The following FCF1 variants were observed in gnomAD, a reference collection of about 807,000 sequenced individuals.
The protein encoded by FCF1 is rRNA-processing protein FCF1 homolog.
FCF1 carries 17 observed loss-of-function variants against 32.5 expected under a neutral mutation model. The observed-to-expected ratio is 0.52, with a 90% confidence interval of 0.36 to 0.78. The LOEUF is 0.78. Ranked by LOEUF, FCF1 falls within the 30% of genes least tolerant of loss-of-function variation. The pLI is 0.00. For synonymous variants in FCF1, 84 were observed against 78.4 expected (o/e 1.07, Z -0.38); for missense variants, 201 against 241.1 (o/e 0.83, Z 1.10).
chr14:74,724,780 C>A (rs983975204), intron 5 of FCF1, among the ~76,000 whole-genome samples: 1 of 152,050 alleles, frequency 6.6e-6, no homozygotes, highest in East Asian at 1.9e-4. Flanking sequence ...TGGCATACAC[C>A]TGTAGTCTCA....
rs563311125 is a variant in FCF1, at chr14:74,737,024, C to G, written c.*2094C>G. ...AGCTAATCTTAAAAATGAATAGGTG[C>G]CTCCCCAGTAAATTAGGAATGGAAG... On this transcript the variant is annotated 3_prime_UTR_variant, in exon 8 of 8. Coordinates refer to ENST00000341162, the MANE Select transcript of FCF1 (RefSeq NM_015962.5). 1 of 152,128 alleles carries G rather than the reference C, an allele frequency of 6.6e-6. No individual in the cohort carries two copies. The highest frequency in any genetic ancestry group is 2.1e-4 in the South Asian group (1 of 4,806). The allele number at this position is 152,128 out of a possible 1,614,324, so 9.4% of individuals were successfully genotyped here. A position where few individuals can be genotyped will look rare whatever the true frequency, so the allele number is the denominator to read the frequency against.
chr14:74,737,608 A>G lies in FCF1; in HGVS notation c.*2678A>G, dbSNP rs2140045590. Reference sequence around the variant, plus strand: ...AACAAACCTGATAAAGTGAGATTAAATTGAATAGTACCTGGCCCAAGTAAG... The same window carrying G: ...AACAAACCTGATAAAGTGAGATTAAGTTGAATAGTACCTGGCCCAAGTAAG... On this transcript the variant is annotated 3_prime_UTR_variant, in exon 8 of 8. Transcript: ENST00000341162. The G allele has an allele frequency of 6.6e-6, 1 of 152,324 alleles. No individual in the cohort carries two copies. Among genetic ancestry groups the G allele is most frequent in the Non-Finnish European group, 1.5e-5 (1 of 68,030 alleles). 9.4% of individuals were successfully genotyped at this position (152,324 alleles called of 1,614,324 possible).
chr14:74,717,525 T>C (rs916114165), intron 4 of FCF1, among the ~76,000 whole-genome samples: 5 of 152,228 alleles, frequency 3.3e-5, no homozygotes, highest in Admixed American at 3.3e-4. Flanking sequence ...TATAGGCCTT[T>C]CTGTATTACT....
chr14:74,715,562 A>G lies in FCF1; in HGVS notation c.144-389A>G, dbSNP rs1055077257. On this transcript the variant is annotated intron_variant, in intron 3 of 7. Transcript: ENST00000341162. ...CCTAACACTAGACAAACTGTTCTCT[A>G]TCACATTCCATAACAGCAGTTTTAG... 5 of 345,900 alleles carry G rather than the reference A, an allele frequency of 1.4e-5. 1 individual carries two copies. The highest frequency in any genetic ancestry group is 9.2e-5 in the South Asian group (4 of 43,290). The allele number at this position is 345,900 out of a possible 1,614,324, so 21.4% of individuals were successfully genotyped here.
intron 5 of FCF1, among the ~76,000 whole-genome samples, chr14:74,728,226 C>G (rs1372489092): frequency 6.6e-6 from 1 of 152,168 alleles, no homozygotes; most frequent in East Asian, 1.9e-4. Context: ...TTGATTCTTC[C>G]TATCCATGAG....
At chr14:74,719,893 C>T (rs544763433) in intron 4 of FCF1, among the ~76,000 whole-genome samples, 15 of 152,144 alleles carry the variant, frequency 9.9e-5, no homozygotes, top group African/African-American at 3.1e-4. Context: ...AATCCCAGCA[C>T]TTTGGGAGGC....
chr14:74,725,694 G>A (rs1397809718), intron 5 of FCF1, among the ~76,000 whole-genome samples: 1 of 151,896 alleles, frequency 6.6e-6, no homozygotes, highest in Non-Finnish European at 1.5e-5. Context: ...CAGCACTTTG[G>A]GAGGCCGAGG....
intron 5 of FCF1, among the ~76,000 whole-genome samples, chr14:74,726,724 T>C (rs2090582185): frequency 6.6e-6 from 1 of 152,080 alleles, no homozygotes; most frequent in Admixed American, 6.5e-5. Flanking sequence ...TCATCTAGCA[T>C]TAGGTATATC....
Position 74,713,536 on chromosome 14 carries a change from C to T in FCF1, c.55C>T (p.Leu19Phe). ...KYATMKRMLS[L>F]RDQRLKEKDR... Reference sequence around the variant, plus strand: ...TGCGACCATGAAGCGAATGCTTAGTCTCAGAGATCAGAGGCTGTGAGTGTC... The same window carrying T: ...TGCGACCATGAAGCGAATGCTTAGTTTCAGAGATCAGAGGCTGTGAGTGTC... Residue 19 changes from leucine (L) to phenylalanine (F), a missense_variant, in exon 2 of 8, where the codon CTC becomes TTC. By Grantham distance (22) the Leu-to-Phe change is conservative. Coordinates refer to ENST00000341162, the MANE Select transcript of FCF1 (RefSeq NM_015962.5). 1 of 1,612,082 alleles carries T rather than the reference C, an allele frequency of 6.2e-7. No individual in the cohort carries two copies. Among genetic ancestry groups the T allele is most frequent in the East Asian group, 2.2e-5 (1 of 44,880 alleles).
rs2090717801 is a variant in FCF1, at chr14:74,737,462, C to G, written c.*2532C>G. The G allele has an allele frequency of 6.6e-6, 1 of 152,174 alleles. No homozygotes were observed. The highest frequency in any genetic ancestry group is 2.4e-5 in the African/African-American group (1 of 41,436). 9.4% of individuals were successfully genotyped at this position (152,174 alleles called of 1,614,324 possible). On this transcript the variant is annotated 3_prime_UTR_variant, in exon 8 of 8. Transcript: ENST00000341162. ...AAATTTCATTAACAGGCCAAATAGTCTGGAGTCATTCTGTTAGTGTTAGAA... is the reference window on the plus strand; with the variant it reads ...AAATTTCATTAACAGGCCAAATAGTGTGGAGTCATTCTGTTAGTGTTAGAA...
In FCF1 at chr14:74,734,959, T is replaced by G; in HGVS notation, c.*29T>G. 6.3e-7 allele frequency: 1 copy of G among 1,594,662 alleles called. No individual in the cohort carries two copies. The highest frequency in any genetic ancestry group is 2.2e-5 in the East Asian group (1 of 44,774). On this transcript the variant is annotated 3_prime_UTR_variant, in exon 8 of 8. Coordinates refer to ENST00000341162, the MANE Select transcript of FCF1 (RefSeq NM_015962.5). ...TTACAAGACACAGTTCCTCTGCCTT[T>G]CTTCGACCAACTTTCTCTTGTTGCC...
At chr14:74,731,087 G>A (rs2090630594) in intron 5 of FCF1, among the ~76,000 whole-genome samples, 1 of 151,990 alleles carries the variant, frequency 6.6e-6, no homozygotes, top group African/African-American at 2.4e-5. Context: ...TTCCTGCTTT[G>A]GCCTCCTAAA....
intron 2 of FCF1, 34 bp downstream of exon 2, chr14:74,713,586 CTAATAA>C: frequency 6.4e-7 from 1 of 1,559,210 alleles, no homozygotes; most frequent in Non-Finnish European, 8.8e-7. Context: ...CAGGGATATT[CTAATAA>C]GAGTCTAGAG....
chr14:74,736,568 AT>A lies in FCF1; in HGVS notation c.*1641del, dbSNP rs1255465812. On this transcript the variant is annotated 3_prime_UTR_variant, in exon 8 of 8. Transcript: ENST00000341162. ...ATTGATGTTCTCATCACAGAAATGT[AT>A]TTGAAGTATTGCATATGTTAACTAG... The A allele has an allele frequency of 6.6e-6, 1 of 152,210 alleles. No individual in the cohort carries two copies. The highest frequency in any genetic ancestry group is 1.5e-5 in the Non-Finnish European group (1 of 68,048). 9.4% of individuals were successfully genotyped at this position (152,210 alleles called of 1,614,324 possible). A position where few individuals can be genotyped will look rare whatever the true frequency, so the allele number is the denominator to read the frequency against.
chr14:74,718,084 C>CA (rs1202050491), intron 4 of FCF1, among the ~76,000 whole-genome samples: 1 of 152,164 alleles, frequency 6.6e-6, no homozygotes, highest in East Asian at 1.9e-4. Flanking sequence ...AGGCTGGTCT[C>CA]AAACTCCTGA....
intron 1 of FCF1, 108 bp from the exon 2 acceptor site, chr14:74,713,377 C>G: frequency 6.5e-7 from 1 of 1,544,778 alleles, no homozygotes; most frequent in South Asian, 1.1e-5. Context: ...GGAAGAGGGT[C>G]TGGGTTATTT....
In FCF1 at chr14:74,735,171, G is replaced by C. The variant is rs1352355690; in HGVS notation, c.*241G>C. 4 of 453,244 alleles carry C rather than the reference G, an allele frequency of 8.8e-6. No individual in the cohort carries two copies. Among genetic ancestry groups the C allele is most frequent in the Non-Finnish European group, 1.6e-5 (4 of 254,536 alleles). The allele number at this position is 453,244 out of a possible 1,614,324, so 28.1% of individuals were successfully genotyped here. On this transcript the variant is annotated 3_prime_UTR_variant, in exon 8 of 8. Transcript: ENST00000341162. The stretch of plus-strand genomic sequence containing the variant: ...GCGGGGGTTGGGGGGAATCTGTGCA[G>C]GGGGAAGCATATTACAGAAGCAAGA...
intron 5 of FCF1, among the ~76,000 whole-genome samples, chr14:74,731,257 G>A (rs1176335330): frequency 6.6e-6 from 1 of 152,106 alleles, no homozygotes; most frequent in Non-Finnish European, 1.5e-5. Flanking sequence ...GGGGGGTATA[G>A]GTAAAAAGAT....
At chr14:74,725,949 A>G (rs1411936250) in intron 5 of FCF1, among the ~76,000 whole-genome samples, 1 of 150,036 alleles carries the variant, frequency 6.7e-6, no homozygotes, top group Non-Finnish European at 1.5e-5. Context: ...AAAAAAAAAA[A>G]GAAAATTAGC....
Sources: allele counts gnomAD v4.1 joint callset (sites outside exome capture counted in the v4.1 genomes callset), GRCh38; gene constraint gnomAD v4.1.1; transcripts MANE v1.5; gene names NCBI Gene and HGNC (gene_info 2026-07-23, HGNC 2026-07-21).